The following TBC1D21 variants were observed in gnomAD, a reference collection of about 807,000 sequenced individuals.
TBC1D21 encodes TBC1 domain family member 21, also known as male germ cell Rab GTPase-activating protein.
In TBC1D21, 38 loss-of-function variants were observed where a neutral mutation model predicts 46.0. That is an observed-to-expected ratio of 0.83 (90% CI 0.64 to 1.08). TBC1D21 has a LOEUF of 1.08. Ranked by LOEUF, TBC1D21 falls within the 50% of genes least tolerant of loss-of-function variation. The pLI, the probability that TBC1D21 is intolerant of heterozygous loss-of-function variation, is 0.00. For synonymous variants in TBC1D21, 151 were observed against 157.2 expected (o/e 0.96, Z 0.29); for missense variants, 415 against 417.9 (o/e 0.99, Z 0.06).
chr15:73,881,914 C>T (rs1595821481), intron 3 of TBC1D21, among the ~76,000 whole-genome samples, 167 bp downstream of exon 3: 1 of 152,148 alleles, frequency 6.6e-6, no homozygotes, highest in African/African-American at 2.4e-5. Context: ...CCAGTTCGTG[C>T]CAGTGCCTTC....
At chr15:73,898,880 A>AAAAATATATATATATATATATATATAT in the TBC1D21 span, among the ~76,000 whole-genome samples, 4 of 56,778 alleles carry the variant, frequency 7.0e-5, no homozygotes, top group South Asian at 6.1e-4. Context: ...AAAAAAAAAA[A>AAAAATATATATATATATATATATATAT]ATATATATAT....
intron 1 of TBC1D21, among the ~76,000 whole-genome samples, chr15:73,874,669 A>G (rs2068026194): frequency 6.6e-6 from 1 of 152,200 alleles, no homozygotes; most frequent in South Asian, 2.1e-4. Context: ...AACCTGCAGC[A>G]TTAGCACCAA....
At chr15:73,888,201 G>T (rs1465540288) in intron 9 of TBC1D21, among the ~76,000 whole-genome samples, 1 of 152,204 alleles carries the variant, frequency 6.6e-6, no homozygotes, top group East Asian at 1.9e-4. Context: ...ACTTGGTGGA[G>T]CCCCAGGACT....
chr15:73,905,674 G>A, the TBC1D21 span, among the ~76,000 whole-genome samples: 1 of 152,140 alleles, frequency 6.6e-6, no homozygotes, highest in Non-Finnish European at 1.5e-5. Context: ...TTTCTTTAAA[G>A]AGCCACCACT....
At chr15:73,893,695 G>T (rs1012851340), downstream of TBC1D21, among the ~76,000 whole-genome samples, 2 of 152,166 alleles carry the variant, frequency 1.3e-5, no homozygotes, top group Non-Finnish European at 2.9e-5. Flanking sequence ...AAGAAGGTGG[G>T]CTTTTGCACC....
chr15:73,881,763 C>T lies in TBC1D21; in HGVS notation c.272+16C>T, dbSNP rs778461557. On this transcript the variant is annotated intron_variant, in intron 3 of 10. Coordinates refer to ENST00000300504, the MANE Select transcript of TBC1D21 (RefSeq NM_153356.3). Reference sequence around the variant, plus strand: ...GCATGAGGAGGTAGAACACTCCAGACCCTGCTGGGACAGGAGGGGGGCCTG... The same window carrying T: ...GCATGAGGAGGTAGAACACTCCAGATCCTGCTGGGACAGGAGGGGGGCCTG... 1 of 1,610,588 alleles carries T rather than the reference C, an allele frequency of 6.2e-7. No individual in the cohort carries two copies. The highest frequency in any genetic ancestry group is 8.5e-7 in the Non-Finnish European group (1 of 1,177,820).
chr15:73,905,461 C>A, the TBC1D21 span, among the ~76,000 whole-genome samples: 3 of 152,172 alleles, frequency 2.0e-5, no homozygotes, highest in African/African-American at 7.2e-5. Context: ...GAATTCAGTA[C>A]AACCTTTAGA....
At chr15:73,884,711 G>A (rs2141572305) in intron 4 of TBC1D21, 70 bp from the exon 5 acceptor site, 1 of 1,126,360 alleles carries the variant, frequency 8.9e-7, no homozygotes, top group Non-Finnish European at 1.3e-6. Context: ...TGGGGTAGGG[G>A]AAGAAATTCA....
downstream of TBC1D21, among the ~76,000 whole-genome samples, chr15:73,890,142 G>T (rs2068324687): frequency 6.6e-6 from 1 of 152,172 alleles, no homozygotes; most frequent in Admixed American, 6.5e-5. Context: ...GTCCTTAGAG[G>T]TAAGGCATGG....
Position 73,888,448 on chromosome 15 carries a change from G to C in TBC1D21, c.913G>C (p.Asp305His). 2.5e-6 allele frequency: 4 copies of C among 1,613,832 alleles called. No homozygotes were observed. The highest frequency in any genetic ancestry group is 3.4e-6 in the Non-Finnish European group (4 of 1,179,924). ...CATGCAGGCCTGCAACAACCTCATC[G>C]ACCTTGATGCTGATGAGCTGATCTC... Reference protein sequence around the residue: ...DILLACNNLIDLDADELISAA... With the variant: ...DILLACNNLIHLDADELISAA... Residue 305 changes from aspartate (D) to histidine (H), a missense_variant, in exon 10 of 11, where the codon GAC becomes CAC. Asp to His is a moderately conservative substitution (Grantham distance 81). Transcript: ENST00000300504.
At chr15:73,889,868 C>A (rs907273179), downstream of TBC1D21, among the ~76,000 whole-genome samples, 2 of 152,370 alleles carry the variant, frequency 1.3e-5, no homozygotes, top group South Asian at 4.1e-4. Context: ...TGTGCCACAG[C>A]CCTGAGCCCC....
At chr15:73,877,301 A>T (rs1203740952) in intron 1 of TBC1D21, among the ~76,000 whole-genome samples, 1 of 151,966 alleles carries the variant, frequency 6.6e-6, no homozygotes, top group African/African-American at 2.4e-5. Flanking sequence ...TTTTAAAGTG[A>T]GTTGGAAGAT....
the TBC1D21 span, among the ~76,000 whole-genome samples, chr15:73,897,996 T>C: frequency 6.6e-6 from 1 of 152,118 alleles, no homozygotes; most frequent in African/African-American, 2.4e-5. Context: ...CTCAGTGTAG[T>C]TCCGTGTGAT....
At chr15:73,888,775 C>T (rs1164633554) in intron 10 of TBC1D21, among the ~76,000 whole-genome samples, 3 of 151,708 alleles carry the variant, frequency 2.0e-5, no homozygotes, top group Non-Finnish European at 4.4e-5. Context: ...CCTGATCTCC[C>T]AAACGCAGCC....
the TBC1D21 span, among the ~76,000 whole-genome samples, chr15:73,908,832 G>A: frequency 6.6e-6 from 1 of 152,220 alleles, no homozygotes; most frequent in Non-Finnish European, 1.5e-5. Context: ...CCATGTGGCA[G>A]AACCATCAAC....
At chr15:73,886,862 A>G (rs1243445292) in intron 8 of TBC1D21, among the ~76,000 whole-genome samples, 2 of 152,180 alleles carry the variant, frequency 1.3e-5, no homozygotes, top group Admixed American at 1.3e-4. Context: ...GGAGGGCCCT[A>G]TGGCCTGTGC....
intron 3 of TBC1D21, 74 bp from the exon 4 acceptor site, chr15:73,884,077 A>C: frequency 1.9e-5 from 23 of 1,212,440 alleles, no homozygotes; most frequent in Non-Finnish European, 2.3e-5. Flanking sequence ...GGGGCCTGGT[A>C]GCTGCAGCTG....
intron 6 of TBC1D21, 71 bp from the exon 7 acceptor site, chr15:73,886,007 G>A: frequency 7.6e-7 from 1 of 1,311,986 alleles, no homozygotes; most frequent in Non-Finnish European, 1.1e-6. Flanking sequence ...GAAGCTGGGG[G>A]AAGCAGAGTT....
the TBC1D21 span, among the ~76,000 whole-genome samples, chr15:73,899,773 A>C: frequency 1.3e-3 from 194 of 152,326 alleles, no homozygotes; most frequent in African/African-American, 4.4e-3. Flanking sequence ...TTTGAGGCAC[A>C]TTAGTCTGGG....
Sources: allele counts gnomAD v4.1 joint callset (sites outside exome capture counted in the v4.1 genomes callset), GRCh38; gene constraint gnomAD v4.1.1; transcripts MANE v1.5; gene names NCBI Gene and HGNC (gene_info 2026-07-23, HGNC 2026-07-21).